CFAP47: variants seen among roughly 807,000 people sequenced by gnomAD.
CFAP47 encodes the protein cilia- and flagella-associated protein 47.
A neutral mutation model predicts 148.1 loss-of-function variants in CFAP47; 29 were observed. The ratio of observed to expected loss-of-function variants is 0.20; its 90% CI spans 0.15 to 0.27. The LOEUF (loss-of-function observed/expected upper bound fraction) is 0.27. Among genes scored for constraint, CFAP47 ranks in the 10% least tolerant of loss-of-function variants. The probability of loss-of-function intolerance (pLI) is 1.00; values close to 1 mark genes in which losing one functional copy is unlikely to be tolerated. For missense variants in CFAP47, 1,872 were observed against 1,697.5 expected, an observed-to-expected ratio of 1.10 and a Z score of -1.81; for synonymous variants, 664 against 577.3, an observed-to-expected ratio of 1.15 and a Z score of -2.15.
At chrX:36,018,193 C>T (rs889107656) in intron 22 of CFAP47, among the ~76,000 whole-genome samples, 13 of 111,827 alleles carry the variant, frequency 1.2e-4, no homozygotes, top group African/African-American at 3.9e-4. Flanking sequence ...TAGAAATCTA[C>T]TGGTTTTTCT....
At chrX:36,185,387 G>A (rs1450906240) in intron 40 of CFAP47, among the ~76,000 whole-genome samples, 2 of 110,741 alleles carry the variant, frequency 1.8e-5, no homozygotes. Flanking sequence ...TGAATTGAGG[G>A]GGTCAGGGCA....
chrX:36,201,765 C>T (rs1939983018), intron 44 of CFAP47, among the ~76,000 whole-genome samples: 1 of 110,932 alleles, frequency 9.0e-6, no homozygotes, highest in Non-Finnish European at 1.9e-5. Flanking sequence ...TCTGTTTGCA[C>T]ATTAGAGTGC....
chrX:36,109,194 G>A (rs1402795605), intron 33 of CFAP47, among the ~76,000 whole-genome samples: 4 of 111,906 alleles, frequency 3.6e-5, no homozygotes, highest in East Asian at 2.8e-4. Context: ...GCAGTCTACC[G>A]TTGATAGGCA....
chrX:36,078,219 C>G (rs964156132), intron 29 of CFAP47, among the ~76,000 whole-genome samples: 4 of 110,617 alleles, frequency 3.6e-5, no homozygotes, highest in African/African-American at 1.3e-4. Context: ...TCTATTAGGT[C>G]TGCTTGGTGC....
At chrX:35,943,539 C>A (rs1251333656) in intron 3 of CFAP47, among the ~76,000 whole-genome samples, 1 of 111,298 alleles carries the variant, frequency 9.0e-6, no homozygotes, top group Non-Finnish European at 1.9e-5. Context: ...GTTTCCTCAT[C>A]CTTTATAGAA....
chrX:36,105,643 C>T (rs1938453967), intron 33 of CFAP47, among the ~76,000 whole-genome samples: 1 of 111,730 alleles, frequency 9.0e-6, no homozygotes, highest in Non-Finnish European at 1.9e-5. Flanking sequence ...TTCTAATTGA[C>T]ATGCTGAAAA....
intron 60 of CFAP47, among the ~76,000 whole-genome samples, chrX:36,355,211 A>T (rs1556018258): frequency 9.0e-6 from 1 of 111,327 alleles, no homozygotes; most frequent in Non-Finnish European, 1.9e-5. Context: ...GTCAAAAAAA[A>T]ACGTGTTGAT....
chrX:35,973,682 C>T (rs1197211286), intron 13 of CFAP47, among the ~76,000 whole-genome samples: 1 of 111,471 alleles, frequency 9.0e-6, no homozygotes, highest in African/African-American at 3.3e-5. Context: ...TGAGACCAAA[C>T]TGGGTTTGGT....
chrX:36,197,322 G>A (rs1225565630), intron 42 of CFAP47, among the ~76,000 whole-genome samples: 1 of 111,677 alleles, frequency 9.0e-6, no homozygotes, highest in East Asian at 2.8e-4. Flanking sequence ...ACTCCCATAG[G>A]TTGGTATTCA....
chrX:35,981,840 G>A (rs1191060956), intron 15 of CFAP47, among the ~76,000 whole-genome samples: 6 of 111,779 alleles, frequency 5.4e-5, no homozygotes, highest in Non-Finnish European at 9.4e-5. Flanking sequence ...CAAGGTTGCC[G>A]CAAAGGCCAT....
intron 3 of CFAP47, among the ~76,000 whole-genome samples, chrX:35,945,601 T>C (rs1290271971): frequency 9.0e-6 from 1 of 111,613 alleles, no homozygotes; most frequent in African/African-American, 3.3e-5. Flanking sequence ...TCTTTTTCAC[T>C]TCCTACCCCC....
intron 46 of CFAP47, among the ~76,000 whole-genome samples, chrX:36,232,579 A>C (rs1940381367): frequency 9.0e-6 from 1 of 111,183 alleles, no homozygotes; most frequent in African/African-American, 3.3e-5. Context: ...TGGATTCATT[A>C]ATTTTTTAAA....
rs187057099 is a variant in CFAP47, at chrX:36,134,672, T to C, written c.5321-3286T>C. 8.9e-4 allele frequency among the ~76,000 whole-genome samples: 99 copies of C among 111,424 alleles called. No homozygotes were observed. The East Asian group carries it at 0.024, about 28-fold the overall frequency. ...ATCTAAATGTAAACCCACACAACTT[T>C]TATATACATACATATATACACGTAT... On this transcript the variant is annotated intron_variant, in intron 33 of 63. Coordinates refer to ENST00000378653, the MANE Select transcript of CFAP47 (RefSeq NM_001304548.2).
At chrX:36,071,210 A>G (rs1982147062) in intron 27 of CFAP47, among the ~76,000 whole-genome samples, 1 of 112,421 alleles carries the variant, frequency 8.9e-6, no homozygotes, top group Non-Finnish European at 1.9e-5. Context: ...CTATATGTAA[A>G]TTGCATATGT....
chrX:36,046,644 A>G (rs538609009), intron 25 of CFAP47, among the ~76,000 whole-genome samples: 18 of 111,492 alleles, frequency 1.6e-4, no homozygotes, highest in African/African-American at 5.5e-4. Context: ...GGAATATTTG[A>G]TCATCTCAAG....
chrX:36,029,130 G>T (rs987465519), intron 22 of CFAP47, among the ~76,000 whole-genome samples: 7 of 110,575 alleles, frequency 6.3e-5, no homozygotes, highest in Non-Finnish European at 9.5e-5. Flanking sequence ...TATGTTTCCA[G>T]GAATTTGTCC....
intron 49 of CFAP47, among the ~76,000 whole-genome samples, chrX:36,255,660 A>G (rs1940741776): frequency 8.9e-6 from 1 of 111,778 alleles, no homozygotes; most frequent in Admixed American, 9.5e-5. Context: ...GAAAAGATAT[A>G]TCATTAGTGC....
At chrX:36,333,516 A>G (rs1556014367) in intron 57 of CFAP47, among the ~76,000 whole-genome samples, 1 of 110,494 alleles carries the variant, frequency 9.1e-6, no homozygotes, top group Non-Finnish European at 1.9e-5. Flanking sequence ...TCTCCTAAAA[A>G]TCTCTAGTTT....
intron 27 of CFAP47, among the ~76,000 whole-genome samples, chrX:36,067,950 C>T (rs1937670957): frequency 9.0e-6 from 1 of 111,388 alleles, no homozygotes. Context: ...CGCGCCTGGC[C>T]GCCACGGTGA....
Sources: allele counts gnomAD v4.1 joint callset (sites outside exome capture counted in the v4.1 genomes callset), GRCh38; gene constraint gnomAD v4.1.1; transcripts MANE v1.5; gene names NCBI Gene and HGNC (gene_info 2026-07-23, HGNC 2026-07-21).